The following MTF1 variants were observed in gnomAD, a reference collection of about 807,000 sequenced individuals.
The protein encoded by MTF1 is metal regulatory transcription factor 1.
In MTF1, 22 loss-of-function variants were observed where a neutral mutation model predicts 70.4. That is an observed-to-expected ratio of 0.31 (90% CI 0.22 to 0.45). MTF1 has a LOEUF of 0.45. Ranked by LOEUF, MTF1 falls within the 20% of genes least tolerant of loss-of-function variation. The pLI, the probability that MTF1 is intolerant of heterozygous loss-of-function variation, is 1.00. For synonymous variants in MTF1, 333 were observed against 352.8 expected, an observed-to-expected ratio of 0.94 and a Z score of 0.63; for missense variants, 649 against 922.0, an observed-to-expected ratio of 0.70 and a Z score of 3.83.
chr1:37,840,561 ATT>A lies in MTF1; in HGVS notation c.409-405_409-404del. 2.2e-6 allele frequency: 1 copy of A among 448,678 alleles called. No individual in the cohort carries two copies. The highest frequency in any genetic ancestry group is 2.5e-5 in the Admixed American group (1 of 39,468). The allele number at this position is 448,678 out of a possible 1,614,324, so 27.8% of individuals were successfully genotyped here. On this transcript the variant is annotated intron_variant, in intron 2 of 10. Coordinates refer to ENST00000373036, the MANE Select transcript of MTF1 (RefSeq NM_005955.3). The surrounding 1 kb of genome is among the most constrained non-coding windows in gnomAD (Gnocchi z 4.5). ...ACTTGATTGGAATTACCAATATTAAATTGAGTTTAAAACATCTGGAAATTTAC... is the reference window on the plus strand; with the variant it reads ...ACTTGATTGGAATTACCAATATTAAAGAGTTTAAAACATCTGGAAATTTAC...
intron 2 of MTF1, among the ~76,000 whole-genome samples, chr1:37,842,092 A>T (rs1193997574): frequency 1.3e-5 from 2 of 152,040 alleles, no homozygotes; most frequent in Non-Finnish European, 2.9e-5. Flanking sequence ...TAAAAATATT[A>T]ATAAAGAAAA....
intron 4 of MTF1, 67 bp from the exon 5 acceptor site, chr1:37,835,811 T>G (rs1379548386): frequency 7.2e-6 from 10 of 1,397,376 alleles, no homozygotes; most frequent in Non-Finnish European, 1.0e-5. Flanking sequence ...AACGTCTTTT[T>G]TTTTTTTGAG....
chr1:37,816,260 A>C (rs1640816961), intron 10 of MTF1, among the ~76,000 whole-genome samples: 1 of 152,202 alleles, frequency 6.6e-6, no homozygotes, highest in Admixed American at 6.5e-5. Flanking sequence ...GATGAGGTGC[A>C]GTGGCTCATG....
chr1:37,838,819 T>TTC (rs869148427), intron 3 of MTF1, 63 bp from the exon 4 acceptor site: 12 of 1,185,068 alleles, frequency 1.0e-5, no homozygotes, highest in African/African-American at 6.2e-5. Context: ...TTTTTTTTTT[T>TTC]CTGAGACAGA....
intron 2 of MTF1, among the ~76,000 whole-genome samples, chr1:37,842,208 C>A (rs1435281227): frequency 6.6e-6 from 1 of 151,876 alleles, no homozygotes; most frequent in East Asian, 1.9e-4. Flanking sequence ...GCTGAGGCTG[C>A]AGTGAGCTAT....
chr1:37,859,344 AG>A (rs879810956), intron 1 of MTF1, among the ~76,000 whole-genome samples, 186 bp downstream of exon 1: 2 of 152,278 alleles, frequency 1.3e-5, no homozygotes, highest in African/African-American at 4.8e-5. Context: ...GGAGAGGGGC[AG>A]GGTCCGGGTC....
At position 37,811,128 on chromosome 1, in the gene MTF1, G is replaced by T. The variant is rs762227439; in HGVS notation, c.*4008C>A. The T allele has an allele frequency of 1.3e-5, 2 of 152,636 alleles. No individual in the cohort carries two copies. The highest frequency in any genetic ancestry group is 1.5e-5 in the Non-Finnish European group (1 of 68,044). The allele number at this position is 152,636 out of a possible 1,614,324, so 9.5% of individuals were successfully genotyped here. A position where few individuals can be genotyped will look rare whatever the true frequency, so the allele number is the denominator to read the frequency against. On this transcript the variant is annotated 3_prime_UTR_variant, in exon 11 of 11. Coordinates refer to ENST00000373036, the MANE Select transcript of MTF1 (RefSeq NM_005955.3). ...GGAACAATCTGTTCCTTCCTTTCAGGCATCATTTTGTAATGGTGAAGAGGG... is the reference window on the plus strand; with the variant it reads ...GGAACAATCTGTTCCTTCCTTTCAGTCATCATTTTGTAATGGTGAAGAGGG...
In MTF1 at chr1:37,824,018, A is replaced by T. The variant is rs960347737; in HGVS notation, c.1069-206T>A. ...TCAAATACTTTATTTTTATTTATTT[A>T]TTTTTTAATAGAGACAGAATCTCAC... On this transcript the variant is annotated intron_variant, in intron 7 of 10. Coordinates refer to ENST00000373036, the MANE Select transcript of MTF1 (RefSeq NM_005955.3). 7.9e-5 allele frequency among the ~76,000 whole-genome samples: 12 copies of T among 152,154 alleles called. No individual in the cohort carries two copies. In the South Asian group the frequency reaches 1.0e-3, roughly 13 times the overall value.
At chr1:37,821,828 C>A (rs1398169264) in intron 9 of MTF1, among the ~76,000 whole-genome samples, 2 of 152,020 alleles carry the variant, frequency 1.3e-5, no homozygotes, top group East Asian at 3.8e-4. Flanking sequence ...CTGGAGTTTG[C>A]TGACTGCTTT....
intron 2 of MTF1, among the ~76,000 whole-genome samples, chr1:37,851,054 G>A (rs1358564218): frequency 6.6e-6 from 1 of 152,170 alleles, no homozygotes; most frequent in Non-Finnish European, 1.5e-5. Context: ...GGCCAAATAA[G>A]TGGATTTTAA....
chr1:37,839,792 T>C, intron 3 of MTF1, 128 bp downstream of exon 3: 2 of 725,954 alleles, frequency 2.8e-6, no homozygotes, highest in Admixed American at 2.6e-5. Flanking sequence ...GAATTTTACG[T>C]AGTTGAACAC....
At position 37,840,476 on chromosome 1, in the gene MTF1, CAG is replaced by C. The variant is rs1217403953; in HGVS notation, c.409-320_409-319del. ...CTATACTGTTACAGCTACCTGTATT[CAG>C]ATAAGATCTTAACTTTGTTTTAAGG... On this transcript the variant is annotated intron_variant, in intron 2 of 10. Transcript: ENST00000373036. This position sits in a 1 kb window ranked among gnomAD's most constrained non-coding sequence, Gnocchi z 4.5. 1.3e-4 allele frequency: 61 copies of C among 485,728 alleles called. No homozygotes were observed. Among genetic ancestry groups the C allele is most frequent in the Non-Finnish European group, 1.3e-4 (33 of 247,060 alleles). The allele number at this position is 485,728 out of a possible 1,614,324, so 30.1% of individuals were successfully genotyped here. A position where few individuals can be genotyped will look rare whatever the true frequency, so the allele number is the denominator to read the frequency against.
intron 2 of MTF1, among the ~76,000 whole-genome samples, chr1:37,845,497 TATTG>T (rs905442600): frequency 1.3e-5 from 2 of 152,298 alleles, no homozygotes; most frequent in Admixed American, 1.3e-4. Context: ...GTTTGATTTT[TATTG>T]ATTGATTGAC....
intron 4 of MTF1, among the ~76,000 whole-genome samples, chr1:37,837,498 AT>A (rs904430895): frequency 2.3e-4 from 35 of 149,980 alleles, no homozygotes; most frequent in African/African-American, 5.1e-4. Context: ...TACATTGTTT[AT>A]TTTTTTTTTA....
intron 7 of MTF1, among the ~76,000 whole-genome samples, chr1:37,828,449 C>CAT: frequency 6.6e-6 from 1 of 152,148 alleles, no homozygotes. Flanking sequence ...GGATTACAGG[C>CAT]GCCCGCCACC....
chr1:37,825,116 A>G (rs1640982700), intron 7 of MTF1, among the ~76,000 whole-genome samples: 1 of 152,206 alleles, frequency 6.6e-6, no homozygotes, highest in Admixed American at 6.5e-5. Flanking sequence ...TACGTGAAGC[A>G]AGGGAGGTGG....
chr1:37,834,537 C>A, intron 6 of MTF1: 1 of 357,442 alleles, frequency 2.8e-6, no homozygotes. Context: ...ACATTATCTG[C>A]TTTATGGTTC....
chr1:37,857,798 A>T, intron 1 of MTF1, 89 bp from the exon 2 acceptor site: 1 of 732,304 alleles, frequency 1.4e-6, no homozygotes, highest in Non-Finnish European at 2.2e-6. Context: ...CCTCTCACTT[A>T]AAGAGCAAGC....
chr1:37,814,847 T>A lies in MTF1; in HGVS notation c.*289A>T, dbSNP rs1013780066. 1 of 359,810 alleles carries A rather than the reference T, an allele frequency of 2.8e-6. No homozygotes were observed. The highest frequency in any genetic ancestry group is 2.1e-5 in the African/African-American group (1 of 47,836). 22.3% of individuals were successfully genotyped at this position (359,810 alleles called of 1,614,324 possible). A position where few individuals can be genotyped will look rare whatever the true frequency, so the allele number is the denominator to read the frequency against. Reference sequence around the variant, plus strand: ...GAATTTTTATGCACACGAGTAACCTTAGTTTCCAAGTTCACATGACAACAA... The same window carrying A: ...GAATTTTTATGCACACGAGTAACCTAAGTTTCCAAGTTCACATGACAACAA... On this transcript the variant is annotated 3_prime_UTR_variant, in exon 11 of 11. Coordinates refer to ENST00000373036, the MANE Select transcript of MTF1 (RefSeq NM_005955.3).
Sources: allele counts gnomAD v4.1 joint callset (sites outside exome capture counted in the v4.1 genomes callset), GRCh38; gene constraint gnomAD v4.1.1; non-coding constraint Gnocchi (gnomAD v3.1); transcripts MANE v1.5; gene names NCBI Gene and HGNC (gene_info 2026-07-23, HGNC 2026-07-21).